Variants in CAMK1D observed in about 807,000 individuals in gnomAD.
CAMK1D encodes the protein calcium/calmodulin-dependent protein kinase type 1D.
Under a neutral mutation model 47.7 loss-of-function variants are expected in CAMK1D, and 9 were observed. The observed-to-expected ratio is 0.19, with a 90% CI of 0.11 to 0.33. The LOEUF (loss-of-function observed/expected upper bound fraction) is 0.33. Ranked by LOEUF, CAMK1D falls within the 10% of genes least tolerant of loss-of-function variation. The probability of loss-of-function intolerance (pLI) is 1.00; values close to 1 mark genes in which losing one functional copy is unlikely to be tolerated. For synonymous variants in CAMK1D, 184 were observed against 184.9 expected, an observed-to-expected ratio of 0.99 and a Z score of 0.04; for missense variants, 291 against 488.7, an observed-to-expected ratio of 0.60 and a Z score of 3.81.
intron 2 of CAMK1D, among the ~76,000 whole-genome samples, chr10:12,563,524 A>C (rs1837011901): frequency 6.6e-6 from 1 of 152,218 alleles, no homozygotes; most frequent in African/African-American, 2.4e-5. Flanking sequence ...ACACACCAGA[A>C]ATACAGAAAT....
intron 3 of CAMK1D, among the ~76,000 whole-genome samples, chr10:12,712,484 G>T (rs1425778326): frequency 6.6e-6 from 1 of 152,222 alleles, no homozygotes; most frequent in Non-Finnish European, 1.5e-5. Flanking sequence ...TCTGGAGGGT[G>T]GAAGTTCCAG....
chr10:12,524,043 C>T (rs904621925), intron 1 of CAMK1D, among the ~76,000 whole-genome samples: 1 of 151,924 alleles, frequency 6.6e-6, no homozygotes, highest in African/African-American at 2.4e-5. Flanking sequence ...AGGCACCCAC[C>T]ACCACGCCTG....
At chr10:12,426,144 T>C (rs1588472617) in intron 1 of CAMK1D, among the ~76,000 whole-genome samples, 1 of 152,256 alleles carries the variant, frequency 6.6e-6, no homozygotes, top group South Asian at 2.1e-4. Flanking sequence ...GGCCATGCAG[T>C]ATTTAGGCTT....
rs1326333541 is a variant in CAMK1D at position 12,676,899 on chromosome 10, C to G, written c.299+10089C>G. On this transcript the variant is annotated intron_variant, in intron 3 of 10. Coordinates refer to ENST00000619168, the MANE Select transcript of CAMK1D (RefSeq NM_153498.4). ...TACTCAGCAGTATCACAGGAATTCA[C>G]TAGAACAATCTTGTTCCATTTACTA... Among the ~76,000 whole-genome samples the G allele has an allele frequency of 2.0e-5, 3 of 152,310 alleles. No individual in the cohort carries two copies. The East Asian group carries it at 5.8e-4, about 29-fold the overall frequency.
chr10:12,463,666 C>T (rs1357949047), intron 1 of CAMK1D, among the ~76,000 whole-genome samples: 2 of 151,916 alleles, frequency 1.3e-5, no homozygotes, highest in Non-Finnish European at 2.9e-5. Flanking sequence ...GTGCTTTTTT[C>T]TCACCTCTCG....
At chr10:12,803,937 G>C (rs192937783) in intron 6 of CAMK1D, among the ~76,000 whole-genome samples, 9 of 152,170 alleles carry the variant, frequency 5.9e-5, no homozygotes, top group Non-Finnish European at 1.2e-4. Context: ...AGCGGGAGGC[G>C]CCACCTGTCA....
chr10:12,699,144 C>T (rs887047421), intron 3 of CAMK1D, among the ~76,000 whole-genome samples: 1 of 152,108 alleles, frequency 6.6e-6, no homozygotes, highest in African/African-American at 2.4e-5. Flanking sequence ...TCTGGTGACC[C>T]TTTCTCAGGC....
chr10:12,561,115 C>T (rs1316408440), intron 2 of CAMK1D, among the ~76,000 whole-genome samples: 2 of 152,054 alleles, frequency 1.3e-5, no homozygotes, highest in Non-Finnish European at 2.9e-5. Flanking sequence ...GACAGGGTTT[C>T]ACCGTGTTAG....
intron 1 of CAMK1D, among the ~76,000 whole-genome samples, chr10:12,522,597 C>A (rs754566353): frequency 6.6e-5 from 10 of 152,046 alleles, no homozygotes; most frequent in Non-Finnish European, 1.2e-4. Context: ...ATGTCCACTT[C>A]TTTCCACACA....
chr10:12,818,425 C>T (rs1006480180), intron 8 of CAMK1D, among the ~76,000 whole-genome samples: 56 of 152,092 alleles, frequency 3.7e-4, no homozygotes, highest in African/African-American at 1.3e-3. Flanking sequence ...AATCCCAGCA[C>T]TTTGGGAGGC....
intron 1 of CAMK1D, among the ~76,000 whole-genome samples, chr10:12,488,572 A>C (rs945477283): frequency 2.0e-5 from 3 of 152,140 alleles, no homozygotes; most frequent in Non-Finnish European, 2.9e-5. Flanking sequence ...TTTATTGTGC[A>C]CTTTACTTCT....
chr10:12,372,747 G>A (rs564037921), intron 1 of CAMK1D, among the ~76,000 whole-genome samples: 1 of 151,296 alleles, frequency 6.6e-6, no homozygotes, highest in Admixed American at 6.6e-5. Context: ...TCACACCTCA[G>A]CCTCCCGAGT....
intron 1 of CAMK1D, 31 bp downstream of exon 1, chr10:12,349,941 G>A (rs1837298341): frequency 1.4e-6 from 2 of 1,401,044 alleles, no homozygotes; most frequent in South Asian, 1.2e-5. Flanking sequence ...CGAGGGTGGA[G>A]GTGGCCGCGG....
intron 3 of CAMK1D, among the ~76,000 whole-genome samples, chr10:12,693,791 T>C: frequency 6.8e-6 from 1 of 146,930 alleles, no homozygotes; most frequent in Admixed American, 7.2e-5. Context: ...AAATAAATCC[T>C]CGATTCACTT....
intron 1 of CAMK1D, among the ~76,000 whole-genome samples, chr10:12,490,001 G>A (rs1239098165): frequency 1.3e-5 from 2 of 152,222 alleles, no homozygotes; most frequent in Admixed American, 6.5e-5. Flanking sequence ...AACGGGGCAG[G>A]CACACTCACG....
rs201226766 is a variant in CAMK1D at position 12,540,101 on chromosome 10, T to G, written c.93-13124T>G. Among the ~76,000 whole-genome samples, 4 of 150,212 alleles carry G rather than the reference T, an allele frequency of 2.7e-5. No homozygotes were observed. The South Asian group carries it at 8.3e-4, about 31-fold the overall frequency. Reference sequence around the variant, plus strand: ...GCTAATTTTTTCTTTTTTCTTTTCTTTTTTTTTTGGAGAGTTGGGGGTCTT... The same window carrying G: ...GCTAATTTTTTCTTTTTTCTTTTCTGTTTTTTTTGGAGAGTTGGGGGTCTT... On this transcript the variant is annotated intron_variant, in intron 1 of 10. Coordinates refer to ENST00000619168, the MANE Select transcript of CAMK1D (RefSeq NM_153498.4).
intron 3 of CAMK1D, among the ~76,000 whole-genome samples, chr10:12,759,893 G>A (rs998503945): frequency 3.9e-5 from 6 of 152,170 alleles, no homozygotes; most frequent in African/African-American, 4.8e-5. Context: ...GTGTGTTACC[G>A]TAGGGCTTGT....
chr10:12,387,896 A>T (rs1838581373), intron 1 of CAMK1D, among the ~76,000 whole-genome samples: 1 of 152,156 alleles, frequency 6.6e-6, no homozygotes, highest in South Asian at 2.1e-4. Flanking sequence ...CTGGGCTCAA[A>T]AATTTCCCTT....
At chr10:12,638,706 C>G (rs529311156) in intron 2 of CAMK1D, among the ~76,000 whole-genome samples, 8 of 152,308 alleles carry the variant, frequency 5.3e-5, no homozygotes, top group Non-Finnish European at 1.0e-4. Context: ...AGAGTGCAAT[C>G]GTGTCTGCTG....
Sources: gnomAD v4.1 joint callset for allele counts (sites outside exome capture counted in the v4.1 genomes callset) on GRCh38, gnomAD v4.1.1 for gene constraint, MANE v1.5 for transcripts, NCBI Gene and HGNC (gene_info 2026-07-23, HGNC 2026-07-21) for gene names.